The following CYP2C19 variants were observed in gnomAD, a reference collection of about 807,000 sequenced individuals.
The protein encoded by CYP2C19 is cytochrome P450 family 2 subfamily C member 19, also known as cytochrome P450 2C19.
Under a neutral mutation model 40.9 loss-of-function variants are expected in CYP2C19, and 59 were observed. The ratio of observed to expected loss-of-function variants is 1.44; its 90% CI spans 1.17 to 1.79. The LOEUF is 1.79. CYP2C19 is among the 40% of genes most tolerant of loss of function. The pLI, the probability that CYP2C19 is intolerant of heterozygous loss-of-function variation, is 0.00. For missense variants in CYP2C19, 754 were observed against 596.9 expected, an observed-to-expected ratio of 1.26 and a Z score of -2.74; for synonymous variants, 253 against 208.7, an observed-to-expected ratio of 1.21 and a Z score of -1.83.
At chr10:94,815,450 A>T (rs1301356245) in intron 5 of CYP2C19, among the ~76,000 whole-genome samples, 1 of 152,152 alleles carries the variant, frequency 6.6e-6, no homozygotes, top group Non-Finnish European at 1.5e-5. Context: ...CTTTCCCCTT[A>T]TTGTTGTCAA....
At chr10:94,852,171 A>G (rs1849663362) in intron 8 of CYP2C19, among the ~76,000 whole-genome samples, 1 of 152,182 alleles carries the variant, frequency 6.6e-6, no homozygotes, top group Non-Finnish European at 1.5e-5. Context: ...ACAGAATGTG[A>G]GGGTCCAGGT....
chr10:94,797,446 A>C (rs1382952127), intron 5 of CYP2C19, among the ~76,000 whole-genome samples: 1 of 151,734 alleles, frequency 6.6e-6, no homozygotes, highest in Admixed American at 6.6e-5. Flanking sequence ...TATTGGCCTG[A>C]AATTTTTTGT....
At chr10:94,816,693 G>A (rs1225165216) in intron 5 of CYP2C19, among the ~76,000 whole-genome samples, 1 of 147,760 alleles carries the variant, frequency 6.8e-6, no homozygotes, top group Non-Finnish European at 1.5e-5. Context: ...TCGTCATCTA[G>A]CCTTAGGTAT....
chr10:94,801,913 T>C (rs1292361001), intron 5 of CYP2C19, among the ~76,000 whole-genome samples: 1 of 152,180 alleles, frequency 6.6e-6, no homozygotes. Context: ...TTAGAGCTTT[T>C]AAAGGTGTTG....
At chr10:94,818,951 A>G (rs1589366437) in intron 5 of CYP2C19, among the ~76,000 whole-genome samples, 1 of 151,856 alleles carries the variant, frequency 6.6e-6, no homozygotes. Flanking sequence ...TTTCAGCACC[A>G]CACCACACCT....
intron 7 of CYP2C19, among the ~76,000 whole-genome samples, chr10:94,847,467 C>T (rs1849589673): frequency 6.6e-6 from 1 of 152,100 alleles, no homozygotes; most frequent in African/African-American, 2.4e-5. Flanking sequence ...TTTCTTAATC[C>T]AGTCTATCAT....
intron 5 of CYP2C19, 32 bp downstream of exon 5, chr10:94,782,029 C>T (rs1381850350): frequency 1.3e-6 from 2 of 1,500,688 alleles, no homozygotes; most frequent in African/African-American, 2.9e-5. Context: ...AGTTATGTGA[C>T]TGCTTGCGTA....
At chr10:94,797,124 G>A (rs531504693) in intron 5 of CYP2C19, among the ~76,000 whole-genome samples, 5 of 151,988 alleles carry the variant, frequency 3.3e-5, no homozygotes, top group Non-Finnish European at 7.4e-5. Flanking sequence ...TATTGGCTGT[G>A]CATTTGTCAT....
At chr10:94,814,154 C>T (rs1848967120) in intron 5 of CYP2C19, among the ~76,000 whole-genome samples, 1 of 150,966 alleles carries the variant, frequency 6.6e-6, no homozygotes, top group Non-Finnish European at 1.5e-5. Flanking sequence ...CCAGGTACCT[C>T]AGTTGGAAAT....
Position 94,775,085 on chromosome 10 carries a change from A to G in CYP2C19, c.196A>G (p.Thr66Ala). The G allele has an allele frequency of 6.2e-7, 1 of 1,613,976 alleles. No individual in the cohort carries two copies. Among genetic ancestry groups the G allele is most frequent in the Non-Finnish European group, 8.5e-7 (1 of 1,180,006 alleles). The stretch of plus-strand genomic sequence containing the variant: ...CTCAAAAATCTATGGCCCTGTGTTC[A>G]CTCTGTATTTTGGCCTGGAACGCAT... ...NLSKIYGPVF[T>A]LYFGLERMVV... Residue 66 changes from threonine to alanine, a missense_variant, in exon 2 of 9, where the codon ACT (threonine) becomes GCT (alanine). By Grantham distance (58) the Thr-to-Ala change is moderately conservative. Coordinates refer to ENST00000371321, the MANE Select transcript of CYP2C19 (RefSeq NM_000769.4).
intron 3 of CYP2C19, among the ~76,000 whole-genome samples, chr10:94,776,776 A>G (rs1848412996): frequency 6.6e-6 from 1 of 152,146 alleles, no homozygotes; most frequent in Admixed American, 6.6e-5. Flanking sequence ...CTCCTATTCA[A>G]CATAGCTTTG....
chr10:94,829,772 C>G (rs1849296806), intron 6 of CYP2C19, among the ~76,000 whole-genome samples: 1 of 151,344 alleles, frequency 6.6e-6, no homozygotes, highest in Non-Finnish European at 1.5e-5. Flanking sequence ...TGTTTTTTCC[C>G]CATCTTTGTG....
rs1849514590 is a variant in CYP2C19 at position 94,842,742 on chromosome 10, T to C, written c.962-95T>C. The C allele has an allele frequency of 6.8e-6, 9 of 1,318,728 alleles. No homozygotes were observed. The East Asian group carries it at 1.6e-4, about 24-fold the overall frequency. The allele number at this position is 1,318,728 out of a possible 1,614,324, so 81.7% of individuals were successfully genotyped here. A position where few individuals can be genotyped will look rare whatever the true frequency, so the allele number is the denominator to read the frequency against. On this transcript the variant is annotated intron_variant, in intron 6 of 8. Transcript: ENST00000371321. The stretch of plus-strand genomic sequence containing the variant: ...TATAATTTAAATTTATTATGATGTT[T>C]GGATACCTTCATCATGATTCATGTA...
chr10:94,798,814 A>ATTTTTTTTTTTTTTTTT (rs61240923), intron 5 of CYP2C19, among the ~76,000 whole-genome samples: 171 of 67,662 alleles, frequency 2.5e-3, no homozygotes, highest in Admixed American at 3.2e-3. Flanking sequence ...GCAACCCCTG[A>ATTTTTTTTTTTTTTTTT]TTTTTTTTTT....
At chr10:94,777,819 C>G (rs1308428667) in intron 3 of CYP2C19, among the ~76,000 whole-genome samples, 1 of 152,136 alleles carries the variant, frequency 6.6e-6, no homozygotes, top group Non-Finnish European at 1.5e-5. Flanking sequence ...TAAAGAGCTT[C>G]TGCATAGCAA....
At chr10:94,833,539 C>T (rs191279768) in intron 6 of CYP2C19, among the ~76,000 whole-genome samples, 5 of 151,794 alleles carry the variant, frequency 3.3e-5, no homozygotes, top group East Asian at 1.9e-4. Flanking sequence ...CATGCTGGTG[C>T]GCTGCACCCA....
At chr10:94,837,013 C>T (rs1369176772) in intron 6 of CYP2C19, among the ~76,000 whole-genome samples, 1 of 151,892 alleles carries the variant, frequency 6.6e-6, no homozygotes, top group Admixed American at 6.6e-5. Context: ...CAAAGGCAAA[C>T]AAGAATTGAG....
intron 5 of CYP2C19, among the ~76,000 whole-genome samples, chr10:94,797,601 G>T (rs1009248349): frequency 3.2e-4 from 48 of 151,982 alleles, no homozygotes; most frequent in Non-Finnish European, 6.8e-4. Context: ...GAATTTAGCT[G>T]TGAATCCTTC....
At chr10:94,823,375 G>A (rs925973845) in intron 6 of CYP2C19, among the ~76,000 whole-genome samples, 1 of 152,180 alleles carries the variant, frequency 6.6e-6, no homozygotes, top group Non-Finnish European at 1.5e-5. Flanking sequence ...GACATGAGGT[G>A]TAGGCTAGAA....
Sources: allele counts gnomAD v4.1 joint callset (sites outside exome capture counted in the v4.1 genomes callset), GRCh38; gene constraint gnomAD v4.1.1; transcripts MANE v1.5; gene names NCBI Gene and HGNC (gene_info 2026-07-23, HGNC 2026-07-21).